The following CCBE1 variants were observed in gnomAD, a reference collection of about 807,000 sequenced individuals.
The protein encoded by CCBE1 is collagen and calcium binding EGF domains 1.
Under a neutral mutation model 50.0 loss-of-function variants are expected in CCBE1, and 37 were observed. The observed-to-expected ratio is 0.74, with a 90% CI of 0.57 to 0.97. The LOEUF is 0.97. CCBE1 is among the 50% of genes least tolerant of loss of function. The probability of loss-of-function intolerance (pLI) is 0.00; values close to 1 mark genes in which losing one functional copy is unlikely to be tolerated. For synonymous variants in CCBE1, 234 were observed against 203.7 expected (o/e 1.15, Z -1.27); for missense variants, 538 against 523.8 (o/e 1.03, Z -0.26).
chr18:59,489,419 A>G (rs936377472), intron 2 of CCBE1, among the ~76,000 whole-genome samples: 8 of 139,998 alleles, frequency 5.7e-5, no homozygotes, highest in Non-Finnish European at 1.1e-4. Flanking sequence ...CTTTTTATTT[A>G]TTTATTTTTT....
intron 2 of CCBE1, among the ~76,000 whole-genome samples, chr18:59,660,130 C>T (rs375738295): frequency 3.3e-5 from 5 of 152,052 alleles, no homozygotes; most frequent in African/African-American, 4.8e-5. Flanking sequence ...CTGAGAGTGC[C>T]GAAAGGGGCC....
intron 7 of CCBE1, among the ~76,000 whole-genome samples, chr18:59,445,949 T>G (rs537432433): frequency 4.6e-5 from 7 of 152,216 alleles, no homozygotes; most frequent in Non-Finnish European, 7.3e-5. Flanking sequence ...CAGAGTAGTT[T>G]CCTGTATTGG....
At chr18:59,696,896 C>T (rs1443704858) in intron 1 of CCBE1, among the ~76,000 whole-genome samples, 187 bp from the exon 2 acceptor site, 1 of 152,122 alleles carries the variant, frequency 6.6e-6, no homozygotes, top group Non-Finnish European at 1.5e-5. Flanking sequence ...GCGAGGGTCA[C>T]GACGAAGCGA....
intron 2 of CCBE1, among the ~76,000 whole-genome samples, chr18:59,635,439 C>G (rs1176827030): frequency 1.1e-5 from 1 of 88,384 alleles, no homozygotes; most frequent in East Asian, 5.9e-4. Flanking sequence ...AACAAGCAAA[C>G]TGAACAATGT....
At chr18:59,594,477 T>C (rs1365550912) in intron 2 of CCBE1, among the ~76,000 whole-genome samples, 1 of 152,212 alleles carries the variant, frequency 6.6e-6, no homozygotes, top group Non-Finnish European at 1.5e-5. Context: ...GGATGATGAT[T>C]GATGGTTGCA....
rs1421512030 is a variant in CCBE1, at chr18:59,454,908, A to G, written c.597T>C (p.Cys199=). The G allele has an allele frequency of 6.2e-7, 1 of 1,614,094 alleles. No homozygotes were observed. The highest frequency in any genetic ancestry group is 8.5e-7 in the Non-Finnish European group (1 of 1,180,050). Residue 199 remains cysteine, a synonymous_variant, in exon 6 of 11, where the codon TGT becomes TGC. Coordinates refer to ENST00000439986, the MANE Select transcript of CCBE1 (RefSeq NM_133459.4). The part of the protein sequence containing the change: ...SENMVKAGTC[C]ATCKEFYQMK... ...TCTGGTAGAACTCCTTGCATGTGGC[A>G]CAGCAAGTTCCGGCTTTCACCATGT...
intron 2 of CCBE1, among the ~76,000 whole-genome samples, chr18:59,487,740 C>T (rs637080): frequency 0.26 from 40,140 of 152,126 alleles, 5,593 homozygotes; most frequent in African/African-American, 0.29. Context: ...CTTGCTAACA[C>T]GTACAATTAC....
intron 2 of CCBE1, among the ~76,000 whole-genome samples, chr18:59,653,429 C>G (rs1330294543): frequency 6.6e-6 from 1 of 152,230 alleles, no homozygotes; most frequent in South Asian, 2.1e-4. Flanking sequence ...GGACTCATCA[C>G]TCACTAGACA....
At chr18:59,443,733 G>A (rs12957060) in intron 7 of CCBE1, among the ~76,000 whole-genome samples, 40,954 of 152,022 alleles carry the variant, frequency 0.27, 6,086 homozygotes, top group Middle Eastern at 0.39. Context: ...CCTCCCCAAA[G>A]TGCTGGGATT....
At chr18:59,589,098 G>T (rs1319707606) in intron 2 of CCBE1, among the ~76,000 whole-genome samples, 1 of 152,190 alleles carries the variant, frequency 6.6e-6, no homozygotes, top group Non-Finnish European at 1.5e-5. Flanking sequence ...TTCCAGGAAG[G>T]TCTGGAACTC....
intron 2 of CCBE1, among the ~76,000 whole-genome samples, chr18:59,692,376 G>T (rs147667825): frequency 1.3e-5 from 2 of 152,190 alleles, no homozygotes; most frequent in African/African-American, 4.8e-5. Context: ...TTAAAGCACA[G>T]ATATTAAAAC....
At chr18:59,609,646 A>G (rs569838522) in intron 2 of CCBE1, among the ~76,000 whole-genome samples, 1 of 152,208 alleles carries the variant, frequency 6.6e-6, no homozygotes, top group African/African-American at 2.4e-5. Flanking sequence ...GTTTACTCTA[A>G]AAGTATCTTT....
chr18:59,549,068 A>G (rs1258906591), intron 2 of CCBE1, among the ~76,000 whole-genome samples: 1 of 139,236 alleles, frequency 7.2e-6, no homozygotes, highest in Non-Finnish European at 1.5e-5. Flanking sequence ...ATGCCACTGC[A>G]CTCCAGCCTG....
rs9965677 is a variant in CCBE1, at chr18:59,490,915, T to A, written c.213-10677A>T. On this transcript the variant is annotated intron_variant, in intron 2 of 10. Coordinates refer to ENST00000439986, the MANE Select transcript of CCBE1 (RefSeq NM_133459.4). ...AAATCTCTGCTCTCATTTATTTCCA[T>A]GGTGGCTAATTTTTGGAAGCACTGA... is the stretch of plus-strand genomic sequence containing the variant. Among the ~76,000 whole-genome samples, 1,109 of 152,324 alleles carry A rather than the reference T, an allele frequency of 7.3e-3. 12 individuals are homozygous for A. Among genetic ancestry groups the A allele is most frequent in the African/African-American group, 0.026 (1,077 of 41,564 alleles).
chr18:59,520,417 T>C (rs1914548858), intron 2 of CCBE1, among the ~76,000 whole-genome samples: 1 of 152,232 alleles, frequency 6.6e-6, no homozygotes. Flanking sequence ...AGATGAGTTC[T>C]TGGGTTAAGT....
chr18:59,670,699 G>T (rs993415641), intron 2 of CCBE1, among the ~76,000 whole-genome samples: 6 of 152,134 alleles, frequency 3.9e-5, no homozygotes, highest in Non-Finnish European at 8.8e-5. Flanking sequence ...TGTAATCCCA[G>T]AACTTTGGGA....
chr18:59,622,585 G>A (rs965964568), intron 2 of CCBE1, among the ~76,000 whole-genome samples: 6 of 151,262 alleles, frequency 4.0e-5, no homozygotes, highest in African/African-American at 9.7e-5. Flanking sequence ...GGTAGATCAC[G>A]AGGTCAGGAA....
intron 2 of CCBE1, among the ~76,000 whole-genome samples, chr18:59,496,095 A>G (rs1913343105): frequency 6.6e-6 from 1 of 152,050 alleles, no homozygotes; most frequent in Admixed American, 6.6e-5. Flanking sequence ...CCTTTTTGCA[A>G]ATTTTAAGAG....
chr18:59,457,494 T>TG (rs2143684629), intron 5 of CCBE1, among the ~76,000 whole-genome samples: 1 of 152,292 alleles, frequency 6.6e-6, no homozygotes, highest in Admixed American at 6.5e-5. Context: ...GTGGCTGCTG[T>TG]GATGACTGGG....
Sources: gnomAD v4.1 joint callset for allele counts (sites outside exome capture counted in the v4.1 genomes callset) on GRCh38, gnomAD v4.1.1 for gene constraint, MANE v1.5 for transcripts, NCBI Gene and HGNC (gene_info 2026-07-23, HGNC 2026-07-21) for gene names.